The following DENND2C variants were observed in gnomAD, a reference collection of about 807,000 sequenced individuals.
The protein encoded by DENND2C is DENN domain-containing protein 2C.
In DENND2C, 72 loss-of-function variants were observed where a neutral mutation model predicts 112.4. The observed-to-expected ratio is 0.64, with a 90% CI of 0.53 to 0.78. The LOEUF is 0.78. DENND2C is among the 30% of genes least tolerant of loss of function. The pLI is 0.00. For synonymous variants in DENND2C, 329 were observed against 381.6 expected, an observed-to-expected ratio of 0.86 and a Z score of 1.61; for missense variants, 992 against 1,113.8, an observed-to-expected ratio of 0.89 and a Z score of 1.56.
intron 7 of DENND2C, among the ~76,000 whole-genome samples, chr1:114,619,690 T>TA (rs1470962078): frequency 1.3e-5 from 2 of 151,968 alleles, no homozygotes; most frequent in East Asian, 1.9e-4. Flanking sequence ...GAATCTAAAA[T>TA]AAAAAAGTAC....
chr1:114,618,290 A>C (rs1041037509), intron 8 of DENND2C, 96 bp downstream of exon 8: 1 of 924,004 alleles, frequency 1.1e-6, no homozygotes, highest in Admixed American at 3.3e-5. Flanking sequence ...GCCCGGCCCC[A>C]AAATTTTTAA....
At chr1:114,601,411 AG>A (rs1655501097) in intron 13 of DENND2C, 96 bp downstream of exon 13, 1 of 1,225,078 alleles carries the variant, frequency 8.2e-7, no homozygotes, top group African/African-American at 1.5e-5. Context: ...GTTTACTAAT[AG>A]GGAACCTTTC....
rs372506444 is a variant in DENND2C at position 114,600,348 on chromosome 1, A to G, written c.1961T>C (p.Ile654Thr). ...SYLPGAGDESIELCRPLDSRL... is the reference protein window; with the variant it reads ...SYLPGAGDESTELCRPLDSRL... The stretch of plus-strand genomic sequence containing the variant: ...GGAATCTAGTGGTCGGCAGAGTTCA[A>G]TGGACTGAAATGCAAGAAGTTGAAT... Residue 654 changes from isoleucine (I) to threonine (T), a missense_variant, in exon 15 of 21, where the codon ATT becomes ACT. Physicochemically the swap from Ile to Thr is moderately conservative, Grantham distance 89 (BLOSUM62 -1). Around this residue, in one of 3 missense-constraint regions of DENND2C, gnomAD observed 516 missense variants for 623.6 expected, o/e 0.83. Transcript: ENST00000393274. 21 of 1,613,868 alleles carry G rather than the reference A, an allele frequency of 1.3e-5. No individual in the cohort carries two copies. In the African/African-American group the frequency reaches 2.4e-4, roughly 18 times the overall value.
At chr1:114,609,106 G>A (rs1655741450) in intron 9 of DENND2C, among the ~76,000 whole-genome samples, 1 of 152,170 alleles carries the variant, frequency 6.6e-6, no homozygotes. Context: ...GCCAGCAGTG[G>A]GACTGACATT....
chr1:114,662,155 C>G (rs1657509502), intron 1 of DENND2C, among the ~76,000 whole-genome samples: 1 of 152,102 alleles, frequency 6.6e-6, no homozygotes, highest in African/African-American at 2.4e-5. Context: ...ACAGAAGGCT[C>G]TATTATTATA....
In DENND2C at chr1:114,594,552, T is replaced by C. The variant is rs1655288588; in HGVS notation, c.2352A>G (p.Pro784=). 6.2e-7 allele frequency: 1 copy of C among 1,613,752 alleles called. No homozygotes were observed. Among genetic ancestry groups the C allele is most frequent in the Non-Finnish European group, 8.5e-7 (1 of 1,179,972 alleles). Residue 784 remains proline (P), a synonymous_variant, in exon 18 of 21, where the codon CCA becomes CCG. Transcript: ENST00000393274. ...GCATCAGGGCAGCTTGAAGTTTTGG[T>C]GGTAGAATTTCATCCTCATCAGATA... is the stretch of plus-strand genomic sequence containing the variant. ...QEVSDEDEIL[P]PKLQAALMQI... is the part of the protein sequence containing the mutation.
chr1:114,624,888 T>G (rs527598030), intron 4 of DENND2C, among the ~76,000 whole-genome samples: 82 of 152,304 alleles, frequency 5.4e-4, no homozygotes, highest in Non-Finnish European at 6.6e-4. Context: ...CCCAAAGTGC[T>G]GGGATTACAG....
chr1:114,630,216 G>A (rs12410434), intron 3 of DENND2C, among the ~76,000 whole-genome samples: 3,895 of 152,000 alleles, frequency 0.026, 62 homozygotes, highest in Middle Eastern at 0.041. Flanking sequence ...GCTGAGGCAG[G>A]AGAATCGCTT....
intron 18 of DENND2C, among the ~76,000 whole-genome samples, chr1:114,591,308 G>A (rs1412877787): frequency 1.3e-5 from 2 of 151,982 alleles, no homozygotes; most frequent in Non-Finnish European, 2.9e-5. Flanking sequence ...TATAAAAAAT[G>A]GTATTGCATT....
intron 3 of DENND2C, among the ~76,000 whole-genome samples, chr1:114,636,519 G>A (rs1656660266): frequency 6.6e-6 from 1 of 152,038 alleles, no homozygotes; most frequent in African/African-American, 2.4e-5. Context: ...ACCAAAATTA[G>A]CCAGGCATGG....
At chr1:114,637,553 G>T (rs1656691966) in intron 3 of DENND2C, among the ~76,000 whole-genome samples, 1 of 151,346 alleles carries the variant, frequency 6.6e-6, no homozygotes, top group South Asian at 2.1e-4. Context: ...GTCTTGCTCT[G>T]TCGCCCAGGT....
chr1:114,596,057 G>C (rs1344049289), intron 16 of DENND2C, among the ~76,000 whole-genome samples, 184 bp from the exon 17 acceptor site: 1 of 152,138 alleles, frequency 6.6e-6, no homozygotes, highest in Non-Finnish European at 1.5e-5. Context: ...GATTAAAAGA[G>C]ACTAAAAATA....
At chr1:114,615,961 G>A (rs907079340) in intron 8 of DENND2C, among the ~76,000 whole-genome samples, 1 of 152,042 alleles carries the variant, frequency 6.6e-6, no homozygotes, top group African/African-American at 2.4e-5. Flanking sequence ...TGTAATCCCA[G>A]CTACTCGGGA....
chr1:114,654,483 G>A (rs1417313303), intron 2 of DENND2C, 22 bp downstream of exon 2: 1 of 152,076 alleles, frequency 6.6e-6, no homozygotes, highest in Non-Finnish European at 1.5e-5. Context: ...TATAGCATTT[G>A]TTTCAAAAGG....
chr1:114,643,759 C>A (rs1160069295), intron 3 of DENND2C, among the ~76,000 whole-genome samples: 2 of 152,158 alleles, frequency 1.3e-5, no homozygotes, highest in East Asian at 1.9e-4. Flanking sequence ...AAATTTAATT[C>A]TTTAACAGTT....
intron 8 of DENND2C, among the ~76,000 whole-genome samples, chr1:114,616,893 G>A (rs1381269841): frequency 6.6e-6 from 1 of 152,104 alleles, no homozygotes; most frequent in Non-Finnish European, 1.5e-5. Flanking sequence ...AAGCAAAAGA[G>A]GCTGAATTCG....
rs1460739987 is a variant in DENND2C, at chr1:114,650,718, C to A, written c.-317+3787G>T. Among the ~76,000 whole-genome samples, 4 of 141,996 alleles carry A rather than the reference C, an allele frequency of 2.8e-5. No individual in the cohort carries two copies. In the East Asian group the frequency reaches 8.4e-4, roughly 30 times the overall value. 93.2% of individuals were successfully genotyped at this position (141,996 alleles called of 152,430 possible). On this transcript the variant is annotated intron_variant, in intron 2 of 20. Transcript: ENST00000393274. ...AAAGAATTTCAGACTACAGACATAA[C>A]AGGCTTTCTTAAGAAACACACATTC...
chr1:114,598,159 A>G (rs115915486), intron 16 of DENND2C, among the ~76,000 whole-genome samples: 4,011 of 152,306 alleles, frequency 0.026, 94 homozygotes, highest in Non-Finnish European at 0.034. Context: ...GTGTGTATGC[A>G]CTGAGGGTCA....
At chr1:114,627,439 T>A (rs1656375287) in intron 3 of DENND2C, among the ~76,000 whole-genome samples, 1 of 152,190 alleles carries the variant, frequency 6.6e-6, no homozygotes, top group Admixed American at 6.5e-5. Context: ...AACTGTTATA[T>A]ACAGAAAGCA....
Sources: gnomAD v4.1 joint callset for allele counts (sites outside exome capture counted in the v4.1 genomes callset) on GRCh38, gnomAD v4.1.1 for gene constraint, gnomAD v4.1.1 regional missense constraint, MANE v1.5 for transcripts, NCBI Gene and HGNC (gene_info 2026-07-23, HGNC 2026-07-21) for gene names.